LYST: variants seen among roughly 807,000 people sequenced by gnomAD.
LYST encodes lysosomal trafficking regulator.
A neutral mutation model predicts 413.6 loss-of-function variants in LYST; 192 were observed. That is an observed-to-expected ratio of 0.46 (90% CI 0.41 to 0.52). LYST has a LOEUF of 0.52. Among genes scored for constraint, LYST ranks in the 20% least tolerant of loss-of-function variants. LYST has a pLI of 0.00. For synonymous variants in LYST, 1,525 were observed against 1,567.3 expected (o/e 0.97, Z 0.64); for missense variants, 3,815 against 4,499.9 (o/e 0.85, Z 4.35).
upstream of LYST, among the ~76,000 whole-genome samples, chr1:235,867,211 C>T (rs1680664456): frequency 6.6e-6 from 1 of 152,252 alleles, no homozygotes; most frequent in Admixed American, 6.5e-5. Context: ...TCCGCACCTC[C>T]TCCCAGGGCT....
At chr1:235,804,850 T>C (rs186296122) in intron 6 of LYST, among the ~76,000 whole-genome samples, 185 bp from the exon 7 acceptor site, 1 of 152,326 alleles carries the variant, frequency 6.6e-6, no homozygotes, top group African/African-American at 2.4e-5. Context: ...TTAATAACAT[T>C]TTTATTGATA....
intron 10 of LYST, among the ~76,000 whole-genome samples, chr1:235,795,461 T>C (rs930159139): frequency 1.3e-5 from 2 of 152,160 alleles, no homozygotes; most frequent in African/African-American, 4.8e-5. Flanking sequence ...GATGCCTGGA[T>C]CAAGAAAGGG....
intron 1 of LYST, among the ~76,000 whole-genome samples, chr1:235,837,860 T>C (rs1039789817): frequency 2.0e-5 from 3 of 151,356 alleles, no homozygotes; most frequent in African/African-American, 4.9e-5. Context: ...ATGAGATAAG[T>C]GAGGTTAAAA....
intron 45 of LYST, among the ~76,000 whole-genome samples, chr1:235,701,436 C>T (rs1020045592): frequency 1.3e-5 from 2 of 151,756 alleles, no homozygotes; most frequent in Admixed American, 6.6e-5. Flanking sequence ...GAGACCAGCC[C>T]GGCCAATATG....
chr1:235,684,508 A>C (rs920831265), intron 48 of LYST, among the ~76,000 whole-genome samples: 1 of 152,240 alleles, frequency 6.6e-6, no homozygotes, highest in African/African-American at 2.4e-5. Context: ...GGCAGTGTGA[A>C]TATTACAGAT....
rs1229777043 is a variant in LYST at position 235,810,422 on chromosome 1, C to T, written c.396G>A (p.Gln132=). Residue 132 remains glutamine (Q), a synonymous_variant, in exon 5 of 53, where the codon CAG becomes CAA. Coordinates refer to ENST00000389793, the MANE Select transcript of LYST (RefSeq NM_000081.4). ...LHLEGSALSS[Q]VSAKVNVFRK... ...GAAAAACATTTACTTTTGCAGAAAC[C>T]TGACTAGACAGGGCACTTCCTTCTA... 6.2e-7 allele frequency: 1 copy of T among 1,611,738 alleles called. No individual in the cohort carries two copies. The highest frequency in any genetic ancestry group is 1.7e-5 in the Admixed American group (1 of 59,440).
intron 38 of LYST, among the ~76,000 whole-genome samples, chr1:235,724,438 T>C (rs1401282578): frequency 6.6e-6 from 1 of 152,208 alleles, no homozygotes; most frequent in Admixed American, 6.5e-5. Flanking sequence ...AATTCTCACG[T>C]ATCCTCCCCT....
Position 235,733,512 on chromosome 1 carries a change from G to A in LYST, c.8792C>T (p.Thr2931Ile). The A allele has an allele frequency of 1.2e-6, 2 of 1,613,832 alleles. No individual in the cohort carries two copies. The highest frequency in any genetic ancestry group is 2.2e-5 in the South Asian group (2 of 91,068). ...ACCTCCCGCAGCTTACCTATCATGT[G>A]TCAGCTGCTGAATAAGTTCCTGCCA... ...RHWQELIQQL[T>I]HDRAVWYDPI... The change falls in exon 34 of 53, where the codon ACA (threonine) becomes ATA (isoleucine). Residue 2931 changes from threonine to isoleucine, a missense_variant. Thr to Ile is a moderately conservative substitution (Grantham distance 89, BLOSUM62 -1). This residue lies in a region of LYST where 866 missense variants were observed against 1,156.0 expected (regional missense o/e 0.75). Transcript: ENST00000389793.
chr1:235,792,992 A>G lies in LYST; in HGVS notation c.4116+511T>C, dbSNP rs1443181609. Among the ~76,000 whole-genome samples the G allele has an allele frequency of 2.6e-5, 4 of 152,152 alleles. No homozygotes were observed. The South Asian group carries it at 8.3e-4, about 32-fold the overall frequency. On this transcript the variant is annotated intron_variant, in intron 11 of 52. Transcript: ENST00000389793. ...GATGTTCTCTGGAACATCCAATCCC[A>G]CTACAAAGTAGCTCCAAAGTTTTCT...
chr1:235,677,473 T>C lies in LYST; in HGVS notation c.10940+7A>G, dbSNP rs1659474520. The C allele has an allele frequency of 6.2e-7, 1 of 1,613,472 alleles. No homozygotes were observed. Among genetic ancestry groups the C allele is most frequent in the African/African-American group, 1.3e-5 (1 of 74,928 alleles). On this transcript the variant is annotated splice_region_variant and intron_variant, in intron 49 of 52. Coordinates refer to ENST00000389793, the MANE Select transcript of LYST (RefSeq NM_000081.4). ...GCTATGTTTGATTTGGAGACCTTCT[T>C]CTGTACCTGTTTAAATCCCATATGA... is the stretch of plus-strand genomic sequence containing the variant.
At position 235,701,679 on chromosome 1, in the gene LYST, A is replaced by G. The variant is rs1482084324; in HGVS notation, c.10374+1068T>C. Among the ~76,000 whole-genome samples, 3 of 152,278 alleles carry G rather than the reference A, an allele frequency of 2.0e-5. No individual in the cohort carries two copies. The East Asian group carries it at 5.8e-4, about 29-fold the overall frequency. On this transcript the variant is annotated intron_variant, in intron 45 of 52. Coordinates refer to ENST00000389793, the MANE Select transcript of LYST (RefSeq NM_000081.4). ...TGACAGATTGTAGTTAAAAATAGTG[A>G]CCCTGGTAATTACAGTGACTAAAGT...
At chr1:235,813,098 G>A in intron 3 of LYST, 37 bp from the exon 4 acceptor site, 1 of 1,186,950 alleles carries the variant, frequency 8.4e-7, no homozygotes, top group Non-Finnish European at 1.3e-6. Context: ...ATGTTCTAAG[G>A]CGATAAGACA....
chr1:235,726,197 G>A (rs982828400), intron 38 of LYST, among the ~76,000 whole-genome samples: 2 of 151,650 alleles, frequency 1.3e-5, no homozygotes, highest in Admixed American at 6.6e-5. Context: ...AGCAAATTTA[G>A]GACTCAATTG....
chr1:235,727,919 T>C (rs1382132844), intron 38 of LYST, among the ~76,000 whole-genome samples, 157 bp downstream of exon 38: 1 of 152,174 alleles, frequency 6.6e-6, no homozygotes, highest in Non-Finnish European at 1.5e-5. Flanking sequence ...CTTTTTAAAA[T>C]TATATTTAAA....
At chr1:235,692,047 G>A (rs1043417988) in intron 47 of LYST, among the ~76,000 whole-genome samples, 1 of 150,916 alleles carries the variant, frequency 6.6e-6, no homozygotes, top group Non-Finnish European at 1.5e-5. Flanking sequence ...AAAACTGGCT[G>A]CTTGGCTGGG....
rs2103013041 is a variant in LYST at position 235,833,568 on chromosome 1, A to G, written c.-8+10T>C. ...GTTGATGGTTAATATTTATTACATT[A>G]TATACTTACCAGTCTTTCACCACTG... On this transcript the variant is annotated intron_variant, in intron 2 of 52. Transcript: ENST00000389793. The G allele has an allele frequency of 1.5e-6, 1 of 681,032 alleles. No individual in the cohort carries two copies. Among genetic ancestry groups the G allele is most frequent in the South Asian group, 6.6e-5 (1 of 15,210 alleles). 42.2% of individuals were successfully genotyped at this position (681,032 alleles called of 1,614,324 possible). A position where few individuals can be genotyped will look rare whatever the true frequency, so the allele number is the denominator to read the frequency against.
intron 24 of LYST, among the ~76,000 whole-genome samples, chr1:235,756,621 GT>G (rs1667075982): frequency 6.6e-6 from 1 of 151,974 alleles, no homozygotes; most frequent in Non-Finnish European, 1.5e-5. Flanking sequence ...ATATTGGGTT[GT>G]TTTCTAATGG....
chr1:235,726,359 A>G (rs1410194376), intron 38 of LYST, among the ~76,000 whole-genome samples: 4 of 152,212 alleles, frequency 2.6e-5, no homozygotes, highest in Non-Finnish European at 2.9e-5. Flanking sequence ...TATGAATAAA[A>G]TAAAATGTCT....
intron 52 of LYST, 107 bp from the exon 53 acceptor site, chr1:235,663,185 C>A: frequency 1.3e-6 from 1 of 775,364 alleles, no homozygotes; most frequent in Non-Finnish European, 2.2e-6. Context: ...TTCAGTGGCG[C>A]AGAGAGACAT....
Sources: gnomAD v4.1 joint callset for allele counts (sites outside exome capture counted in the v4.1 genomes callset) on GRCh38, gnomAD v4.1.1 for gene constraint, gnomAD v4.1.1 regional missense constraint, MANE v1.5 for transcripts, NCBI Gene and HGNC (gene_info 2026-07-23, HGNC 2026-07-21) for gene names.